The following FHIT variants were observed in gnomAD, a reference collection of about 807,000 sequenced individuals.
The protein encoded by FHIT is bis(5'-adenosyl)-triphosphatase.
FHIT carries 19 observed loss-of-function variants against 17.9 expected under a neutral mutation model. The ratio of observed to expected loss-of-function variants is 1.06; its 90% confidence interval spans 0.74 to 1.56. The LOEUF (loss-of-function observed/expected upper bound fraction) is 1.56, where lower values mean the gene tolerates loss of function less well. FHIT is among the 40% of genes most tolerant of loss of function. FHIT has a pLI of 0.00. For synonymous variants in FHIT, 81 were observed against 69.7 expected, an observed-to-expected ratio of 1.16 and a Z score of -0.81; for missense variants, 248 against 189.2, an observed-to-expected ratio of 1.31 and a Z score of -1.82.
At chr3:60,028,781 C>G (rs536756356) in intron 5 of FHIT, among the ~76,000 whole-genome samples, 24 of 152,180 alleles carry the variant, frequency 1.6e-4, no homozygotes, top group African/African-American at 5.3e-4. Context: ...TAAAGACAAA[C>G]TTATTAACAT....
chr3:60,232,322 G>C (rs576365441), intron 5 of FHIT, among the ~76,000 whole-genome samples: 5 of 152,264 alleles, frequency 3.3e-5, no homozygotes, highest in African/African-American at 1.2e-4. Flanking sequence ...CTTCTCTTGA[G>C]TGGATCTAAA....
At chr3:60,564,751 G>C (rs2037073172) in intron 4 of FHIT, among the ~76,000 whole-genome samples, 1 of 152,148 alleles carries the variant, frequency 6.6e-6, no homozygotes, top group South Asian at 2.1e-4. Flanking sequence ...TTATGGGTGA[G>C]CAAAGAAAGT....
intron 5 of FHIT, among the ~76,000 whole-genome samples, chr3:60,022,073 T>C (rs552566348): frequency 5.9e-5 from 9 of 152,218 alleles, no homozygotes; most frequent in Non-Finnish European, 7.4e-5. Context: ...ATAATGATTA[T>C]TAATTATTAG....
Position 60,823,299 on chromosome 3 carries a change from C to A in FHIT, c.-110-1288G>T, listed in dbSNP as rs371420988. On this transcript the variant is annotated intron_variant, in intron 3 of 9. Coordinates refer to ENST00000492590, the MANE Select transcript of FHIT (RefSeq NM_002012.4). ...AGTACTATGGGTTGAATTCTGTTCC[C>A]CCAACCCCTCCCCATCAGGAAAAAA... Among the ~76,000 whole-genome samples, 6 of 152,034 alleles carry A rather than the reference C, an allele frequency of 3.9e-5. No individual in the cohort carries two copies. In the South Asian group the frequency reaches 8.3e-4, roughly 21 times the overall value.
chr3:61,188,989 A>G (rs2038619550), intron 2 of FHIT, among the ~76,000 whole-genome samples: 1 of 152,036 alleles, frequency 6.6e-6, no homozygotes, highest in African/African-American at 2.4e-5. Context: ...CTGAATGGGC[A>G]AAAACTGGAA....
intron 5 of FHIT, among the ~76,000 whole-genome samples, chr3:60,018,829 A>C (rs1476195850): frequency 6.6e-6 from 1 of 151,772 alleles, no homozygotes; most frequent in Admixed American, 6.6e-5. Flanking sequence ...AATACAAAAA[A>C]AACAGCTGGG....
intron 5 of FHIT, among the ~76,000 whole-genome samples, chr3:60,456,414 T>C (rs1299846984): frequency 6.6e-6 from 1 of 152,206 alleles, no homozygotes; most frequent in Non-Finnish European, 1.5e-5. Flanking sequence ...ACTTCAGACA[T>C]AATTGTCACT....
At chr3:60,388,438 G>C (rs1038391194) in intron 5 of FHIT, among the ~76,000 whole-genome samples, 1 of 151,896 alleles carries the variant, frequency 6.6e-6, no homozygotes, top group African/African-American at 2.4e-5. Flanking sequence ...CATCTCTACA[G>C]AAAAAATACA....
chr3:60,259,453 C>T (rs1239815090), intron 5 of FHIT, among the ~76,000 whole-genome samples: 5 of 152,014 alleles, frequency 3.3e-5, no homozygotes, highest in East Asian at 1.9e-4. Flanking sequence ...CCTTCAAAGC[C>T]GGAAGGCTAC....
chr3:60,643,036 G>C (rs1253220646), intron 4 of FHIT, among the ~76,000 whole-genome samples: 1 of 152,250 alleles, frequency 6.6e-6, no homozygotes, highest in Non-Finnish European at 1.5e-5. Flanking sequence ...CAGCTGAACT[G>C]GTAGTTCCAC....
intron 5 of FHIT, among the ~76,000 whole-genome samples, chr3:60,458,005 C>G (rs1432908741): frequency 6.6e-6 from 1 of 152,156 alleles, no homozygotes; most frequent in Non-Finnish European, 1.5e-5. Flanking sequence ...CTACTTCAAC[C>G]ATTGTGGAAG....
chr3:60,468,143 T>A (rs2032898667), intron 5 of FHIT, among the ~76,000 whole-genome samples: 1 of 152,052 alleles, frequency 6.6e-6, no homozygotes, highest in Admixed American at 6.6e-5. Flanking sequence ...TCATGCAACA[T>A]CTTCTTCCAT....
At chr3:60,869,050 C>T (rs997909138) in intron 3 of FHIT, among the ~76,000 whole-genome samples, 1 of 152,152 alleles carries the variant, frequency 6.6e-6, no homozygotes, top group Non-Finnish European at 1.5e-5. Context: ...AAGGAACCAA[C>T]CTCAGATTGG....
intron 5 of FHIT, among the ~76,000 whole-genome samples, chr3:60,023,016 T>C (rs1048997293): frequency 6.6e-6 from 1 of 152,076 alleles, no homozygotes; most frequent in Non-Finnish European, 1.5e-5. Flanking sequence ...CTCGAAAGAG[T>C]CTGTCCACAA....
chr3:60,865,073 A>C (rs1271932569), intron 3 of FHIT, among the ~76,000 whole-genome samples: 5 of 152,150 alleles, frequency 3.3e-5, no homozygotes, highest in African/African-American at 1.2e-4. Flanking sequence ...GCTTTGAGAA[A>C]ATTTCTCAGT....
chr3:60,539,628 C>A (rs2107604351), intron 4 of FHIT, among the ~76,000 whole-genome samples: 1 of 152,280 alleles, frequency 6.6e-6, no homozygotes, highest in Admixed American at 6.5e-5. Context: ...AGGATGAGTT[C>A]ATGTCCTTTG....
At chr3:60,564,890 A>G (rs1320274463) in intron 4 of FHIT, among the ~76,000 whole-genome samples, 9 of 152,300 alleles carry the variant, frequency 5.9e-5, no homozygotes, top group Admixed American at 5.9e-4. Context: ...GATTAACTCT[A>G]ATTTTAAAAT....
chr3:60,721,070 A>G (rs1242335029), intron 4 of FHIT, among the ~76,000 whole-genome samples: 4 of 152,216 alleles, frequency 2.6e-5, no homozygotes, highest in East Asian at 1.9e-4. Flanking sequence ...TAAATCTGTC[A>G]TAATTGTTTT....
intron 7 of FHIT, among the ~76,000 whole-genome samples, chr3:59,986,123 G>C (rs74800068): frequency 0.017 from 2,575 of 152,064 alleles, 63 homozygotes; most frequent in African/African-American, 0.056. Flanking sequence ...ATCAATAGCG[G>C]TTCACACTTT....
Sources: allele counts gnomAD v4.1 joint callset (sites outside exome capture counted in the v4.1 genomes callset), GRCh38; gene constraint gnomAD v4.1.1; transcripts MANE v1.5; gene names NCBI Gene and HGNC (gene_info 2026-07-23, HGNC 2026-07-21).